ANO1: variants seen among roughly 807,000 people sequenced by gnomAD.
ANO1 encodes anoctamin 1, also known as anoctamin-1.
ANO1 carries 59 observed loss-of-function variants against 124.0 expected under a neutral mutation model. The observed-to-expected ratio is 0.48, with a 90% CI of 0.39 to 0.59. The LOEUF (loss-of-function observed/expected upper bound fraction) is 0.59. Among genes scored for constraint, ANO1 ranks in the 20% least tolerant of loss-of-function variants. The probability of loss-of-function intolerance (pLI) is 0.00; values close to 1 mark genes in which losing one functional copy is unlikely to be tolerated. For synonymous variants in ANO1, 529 were observed against 532.0 expected (o/e 0.99, Z 0.08); for missense variants, 1,059 against 1,328.0 (o/e 0.80, Z 3.15).
chr11:70,091,812 C>A (rs2044636880), intron 2 of ANO1, among the ~76,000 whole-genome samples: 1 of 152,222 alleles, frequency 6.6e-6, no homozygotes, highest in Non-Finnish European at 1.5e-5. Context: ...TGAGCAACCC[C>A]TATGCCCCGT....
the ANO1 span, among the ~76,000 whole-genome samples, chr11:69,980,190 G>C: frequency 5.6e-4 from 86 of 152,268 alleles, no homozygotes; most frequent in African/African-American, 2.0e-3. Flanking sequence ...AACACCACAT[G>C]TTCCAATTCA....
intron 4 of ANO1, among the ~76,000 whole-genome samples, chr11:70,105,018 C>G (rs1023270798): frequency 1.3e-5 from 2 of 152,142 alleles, no homozygotes; most frequent in African/African-American, 4.8e-5. Flanking sequence ...CCAGCCCTCT[C>G]CTCCAGATCC....
chr11:70,074,512 C>T (rs2044031735), upstream of ANO1, among the ~76,000 whole-genome samples: 1 of 152,140 alleles, frequency 6.6e-6, no homozygotes, highest in African/African-American at 2.4e-5. Context: ...AGACTGAAAG[C>T]CTAGTTTGCT....
At chr11:70,107,799 G>A (rs542849265) in intron 5 of ANO1, among the ~76,000 whole-genome samples, 2 of 152,282 alleles carry the variant, frequency 1.3e-5, no homozygotes, top group Non-Finnish European at 2.9e-5. Flanking sequence ...AGCCGGGGGG[G>A]AATCCCTTCA....
At chr11:70,115,951 C>T (rs1254608800) in intron 7 of ANO1, among the ~76,000 whole-genome samples, 2 of 152,156 alleles carry the variant, frequency 1.3e-5, no homozygotes, top group South Asian at 2.1e-4. Context: ...GTTTGCTTCT[C>T]GGAGCCTCAG....
intron 3 of ANO1, 52 bp from the exon 4 acceptor site, chr11:70,103,947 A>G: frequency 6.3e-7 from 1 of 1,577,144 alleles, no homozygotes; most frequent in Non-Finnish European, 8.6e-7. Context: ...GATTCCACGG[A>G]TCATGGTCCA....
At chr11:70,173,958 TG>T (rs2048575383) in intron 22 of ANO1, among the ~76,000 whole-genome samples, 4 of 150,798 alleles carry the variant, frequency 2.7e-5, no homozygotes, top group Admixed American at 2.6e-4. Flanking sequence ...TTTTTTGAGA[TG>T]GGGTCTCACT....
chr11:70,101,834 T>A (rs938153907), intron 2 of ANO1, among the ~76,000 whole-genome samples: 6 of 151,998 alleles, frequency 3.9e-5, no homozygotes, highest in African/African-American at 1.4e-4. Context: ...GGCTCAGAAT[T>A]GTGGAAAGGA....
intron 1 of ANO1, among the ~76,000 whole-genome samples, chr11:70,058,906 G>T (rs989484569): frequency 1.3e-5 from 2 of 152,158 alleles, no homozygotes; most frequent in Middle Eastern, 3.4e-3. Context: ...ATTGTCCGCC[G>T]AGTGCGGTGG....
intron 1 of ANO1, among the ~76,000 whole-genome samples, chr11:70,018,589 C>T (rs1373021620): frequency 6.6e-6 from 1 of 152,150 alleles, no homozygotes; most frequent in Non-Finnish European, 1.5e-5. Flanking sequence ...CCAGACCCTT[C>T]CAGACTACAC....
intron 1 of ANO1, among the ~76,000 whole-genome samples, chr11:70,030,373 G>A (rs782170522): frequency 5.3e-5 from 8 of 152,206 alleles, no homozygotes; most frequent in Admixed American, 2.0e-4. Flanking sequence ...ACTGTAGCTC[G>A]GAGCTGCTAT....
Position 70,170,899 on chromosome 11 carries a change from G to T in ANO1, c.2210G>T (p.Gly737Val). ...GCTCTCTCTGCAGTCATCCAGTTTG[G>T]CTTCGTCACCCTGTTTGTCGCCTCC... ...PEYMEMIIQF[G>V]FVTLFVASFP... The change falls in exon 22 of 26, where the codon GGC becomes GTC. Residue 737 changes from glycine (G) to valine (V), a missense_variant. Physicochemically the swap from Gly to Val is moderately radical, Grantham distance 109. Coordinates refer to ENST00000355303, the MANE Select transcript of ANO1 (RefSeq NM_018043.7). The T allele has an allele frequency of 6.2e-7, 1 of 1,613,218 alleles. No individual in the cohort carries two copies. Among genetic ancestry groups the T allele is most frequent in the Non-Finnish European group, 8.5e-7 (1 of 1,179,650 alleles).
upstream of ANO1, among the ~76,000 whole-genome samples, chr11:70,077,057 C>G (rs1450431074): frequency 6.6e-6 from 1 of 152,344 alleles, no homozygotes; most frequent in East Asian, 1.9e-4. Flanking sequence ...CTCTCCAACC[C>G]TATCCTAGCT....
chr11:70,137,631 A>T (rs1022249996), intron 11 of ANO1, among the ~76,000 whole-genome samples: 4 of 145,894 alleles, frequency 2.7e-5, no homozygotes, highest in African/African-American at 9.8e-5. Context: ...CGGTCACTGG[A>T]TTACTCAGGC....
At chr11:70,183,176 G>T (rs2048993710) in intron 24 of ANO1, among the ~76,000 whole-genome samples, 1 of 152,172 alleles carries the variant, frequency 6.6e-6, no homozygotes, top group East Asian at 1.9e-4. Flanking sequence ...TAACTAAGAA[G>T]CCCAGGATAG....
chr11:70,152,560 G>T (rs145462280), intron 13 of ANO1, 99 bp downstream of exon 13: 3 of 1,409,304 alleles, frequency 2.1e-6, no homozygotes, highest in Non-Finnish European at 3.0e-6. Context: ...CGCAGTTCCC[G>T]CAGTTCCTCC....
intron 9 of ANO1, among the ~76,000 whole-genome samples, chr11:70,125,355 T>C (rs1022439765): frequency 8.8e-6 from 1 of 114,166 alleles, no homozygotes; most frequent in African/African-American, 3.5e-5. Context: ...AATAAATAAA[T>C]AAATAAATAA....
upstream of ANO1, among the ~76,000 whole-genome samples, chr11:69,985,548 G>A (rs1237204994): frequency 1.3e-5 from 2 of 152,152 alleles, no homozygotes; most frequent in Admixed American, 6.5e-5. Flanking sequence ...ACCGCCCCGC[G>A]CCCAGGGCTG....
intron 1 of ANO1, among the ~76,000 whole-genome samples, chr11:70,036,661 G>A (rs1483062065): frequency 3.3e-5 from 5 of 152,290 alleles, no homozygotes; most frequent in Admixed American, 6.5e-5. Context: ...AGGCTGGAGT[G>A]CAGTAGCACG....
Sources: gnomAD v4.1 joint callset for allele counts (sites outside exome capture counted in the v4.1 genomes callset) on GRCh38, gnomAD v4.1.1 for gene constraint, MANE v1.5 for transcripts, NCBI Gene and HGNC (gene_info 2026-07-23, HGNC 2026-07-21) for gene names.